The following ZRSR2 variants were observed in gnomAD, a reference collection of about 807,000 sequenced individuals.
The protein encoded by ZRSR2 is zinc finger CCCH-type, RNA binding motif and serine/arginine rich 2.
A neutral mutation model predicts 39.4 loss-of-function variants in ZRSR2; 3 were observed. The ratio of observed to expected loss-of-function variants is 0.08; its 90% CI spans 0.03 to 0.20. The LOEUF is 0.20. ZRSR2 is among the 10% of genes least tolerant of loss of function. The pLI, the probability that ZRSR2 is intolerant of heterozygous loss-of-function variation, is 1.00. For synonymous variants in ZRSR2, 137 were observed against 136.0 expected, an observed-to-expected ratio of 1.01 and a Z score of -0.05; for missense variants, 256 against 391.5, an observed-to-expected ratio of 0.65 and a Z score of 2.92.
chrX:15,809,278 C>T lies in ZRSR2; in HGVS notation c.517C>T (p.Pro173Ser). ...AATGGAGAAGGATCGAGCTAATTGT[C>T]CCTTCTACAGTAAAACAGGAGCTTG... ...RVMEKDRANC[P>S]FYSKTGACRF... is the part of the protein sequence containing the mutation. Residue 173 changes from proline (P) to serine (S), a missense_variant, in exon 7 of 11, where the codon CCC becomes TCC. Pro to Ser is a moderately conservative substitution (Grantham distance 74). This residue lies in a region of ZRSR2 where 58 missense variants were observed against 163.1 expected (regional missense o/e 0.36). Transcript: ENST00000307771. 1.7e-6 allele frequency: 2 copies of T among 1,208,558 alleles called. No homozygotes were observed.
At chrX:15,797,805 G>C (rs747598329) in intron 2 of ZRSR2, among the ~76,000 whole-genome samples, 3 of 111,511 alleles carry the variant, frequency 2.7e-5, no homozygotes, top group Non-Finnish European at 3.8e-5. Context: ...GATTGTACAC[G>C]TGGGGAAAAT....
intron 7 of ZRSR2, among the ~76,000 whole-genome samples, chrX:15,813,164 TG>T (rs1932911109): frequency 8.9e-6 from 1 of 111,984 alleles, no homozygotes; most frequent in Non-Finnish European, 1.9e-5. Context: ...AGGGGGCATT[TG>T]GATACCCACA....
At chrX:15,795,274 C>CT (rs768934551) in intron 2 of ZRSR2, among the ~76,000 whole-genome samples, 221 of 110,812 alleles carry the variant, frequency 2.0e-3, no homozygotes, top group African/African-American at 6.9e-3. Context: ...TCTTTACACA[C>CT]TTTCTTGATA....
chrX:15,810,865 AG>A (rs1286143812), intron 7 of ZRSR2, among the ~76,000 whole-genome samples: 1 of 105,352 alleles, frequency 9.5e-6, no homozygotes, highest in Non-Finnish European at 1.9e-5. Flanking sequence ...AAAAAAAAAA[AG>A]TAAAATAAAT....
intron 5 of ZRSR2, among the ~76,000 whole-genome samples, chrX:15,804,855 A>T (rs1932764188): frequency 1.0e-5 from 1 of 97,529 alleles, no homozygotes; most frequent in African/African-American, 3.9e-5. Context: ...AGATAATTGT[A>T]GCTAACACAC....
intron 2 of ZRSR2, among the ~76,000 whole-genome samples, chrX:15,792,077 A>C (rs1243646356): frequency 8.9e-6 from 1 of 112,071 alleles, no homozygotes; most frequent in Non-Finnish European, 1.9e-5. Flanking sequence ...AAGTGCTGGG[A>C]TTATAGGCAT....
intron 3 of ZRSR2, chrX:15,801,381 G>A (rs1367256817): frequency 1.3e-5 from 4 of 302,508 alleles, no homozygotes; most frequent in East Asian, 2.3e-4. Flanking sequence ...GGCACGCACC[G>A]CCACACCCAG....
At chrX:15,810,079 A>G (rs1283653900) in intron 7 of ZRSR2, among the ~76,000 whole-genome samples, 1 of 111,753 alleles carries the variant, frequency 8.9e-6, no homozygotes, top group Non-Finnish European at 1.9e-5. Flanking sequence ...AAATGAGCAC[A>G]CACACCCGTA....
At chrX:15,795,942 GA>G (rs750796239) in intron 2 of ZRSR2, among the ~76,000 whole-genome samples, 6 of 112,008 alleles carry the variant, frequency 5.4e-5, no homozygotes, top group African/African-American at 6.5e-5. Flanking sequence ...CCAACATGGT[GA>G]AACCCTGTCT....
intron 7 of ZRSR2, among the ~76,000 whole-genome samples, chrX:15,812,007 G>A (rs764539525): frequency 4.5e-5 from 5 of 111,590 alleles, no homozygotes; most frequent in Non-Finnish European, 9.4e-5. Flanking sequence ...TCCGCTCACT[G>A]CAAACTCCGC....
At chrX:15,807,706 T>C (rs1470036746) in intron 5 of ZRSR2, among the ~76,000 whole-genome samples, 1 of 111,278 alleles carries the variant, frequency 9.0e-6, no homozygotes, top group Non-Finnish European at 1.9e-5. Flanking sequence ...TTTTAAATAT[T>C]TTGCAATGTG....
In ZRSR2 at chrX:15,808,161, T is replaced by A. The variant is rs1044135533; in HGVS notation, c.400-72T>A. ...GTTTTAATTGTTCCACTTGAGATTCTTAACCAGAGAAACCAGATGTGACTT... is the reference window on the plus strand; with the variant it reads ...GTTTTAATTGTTCCACTTGAGATTCATAACCAGAGAAACCAGATGTGACTT... On this transcript the variant is annotated intron_variant, in intron 5 of 10. Coordinates refer to ENST00000307771, the MANE Select transcript of ZRSR2 (RefSeq NM_005089.4). 3.1e-6 allele frequency: 3 copies of A among 958,959 alleles called. No individual in the cohort carries two copies. In the African/African-American group the frequency reaches 5.7e-5, roughly 18 times the overall value. 79.0% of individuals were successfully genotyped at this position (958,959 alleles called of 1,213,427 possible).
intron 5 of ZRSR2, among the ~76,000 whole-genome samples, 167 bp from the exon 6 acceptor site, chrX:15,808,066 A>C (rs1932826816): frequency 9.0e-6 from 1 of 111,683 alleles, no homozygotes; most frequent in Admixed American, 9.5e-5. Flanking sequence ...AGTCTCAGCT[A>C]TATATCCTTT....
At chrX:15,804,318 A>G in intron 5 of ZRSR2, 121 bp downstream of exon 5, 1 of 1,045,459 alleles carries the variant, frequency 9.6e-7, no homozygotes, top group East Asian at 3.3e-5. Flanking sequence ...GGAAAGAATC[A>G]TATTTCAGTT....
At chrX:15,820,012 G>A (rs1243859195) in intron 9 of ZRSR2, among the ~76,000 whole-genome samples, 195 bp from the exon 10 acceptor site, 2 of 112,145 alleles carry the variant, frequency 1.8e-5, no homozygotes, top group African/African-American at 6.5e-5. Flanking sequence ...AAACCTCTCC[G>A]AGGGTTAGTA....
In ZRSR2 at chrX:15,822,952, C is replaced by G. The variant is rs748857375; in HGVS notation, c.1159C>G (p.His387Asp). Reference protein sequence around the residue: ...LRGRRNPSPDHSYKRNGESER... With the variant: ...LRGRRNPSPDDSYKRNGESER... ...GGGAAGGAGAAACCCTAGTCCAGAC[C>G]ACTCCTACAAAAGAAATGGGGAATC... Residue 387 changes from histidine (H) to aspartate (D), a missense_variant, in exon 11 of 11, where the codon CAC (histidine) becomes GAC (aspartate). His to Asp is a moderately conservative substitution (Grantham distance 81). This residue lies in a region of ZRSR2 where 111 missense variants were observed against 116.7 expected (regional missense o/e 0.95). Transcript: ENST00000307771. 4 of 1,212,258 alleles carry G rather than the reference C, an allele frequency of 3.3e-6. No individual in the cohort carries two copies. The highest frequency in any genetic ancestry group is 4.5e-6 in the Non-Finnish European group (4 of 895,642).
rs766347958 is a variant in ZRSR2, at chrX:15,822,978, C to T, written c.1185C>T (p.Ser395=). ...ACTCCTACAAAAGAAATGGGGAATC[C>T]GAGAGGAAAAGTAGTCGTCACAGGG... ...PDHSYKRNGE[S]ERKSSRHRGK... Residue 395 remains serine, a synonymous_variant, in exon 11 of 11, where the codon TCC becomes TCT. Transcript: ENST00000307771. 4.1e-6 allele frequency: 5 copies of T among 1,210,821 alleles called. No homozygotes were observed. The highest frequency in any genetic ancestry group is 2.2e-5 in the Admixed American group (1 of 45,915).
chrX:15,817,777 G>T (rs1206693599), intron 8 of ZRSR2, among the ~76,000 whole-genome samples: 1 of 111,156 alleles, frequency 9.0e-6, no homozygotes, highest in African/African-American at 3.3e-5. Flanking sequence ...CTGCGGTACT[G>T]TTTGTGGATG....
chrX:15,806,727 G>C (rs771400899), intron 5 of ZRSR2, among the ~76,000 whole-genome samples: 106 of 109,253 alleles, frequency 9.7e-4, no homozygotes, highest in African/African-American at 3.4e-3. Flanking sequence ...TTTTTTAACA[G>C]ATCATTTTTA....
Sources: allele counts gnomAD v4.1 joint callset (sites outside exome capture counted in the v4.1 genomes callset), GRCh38; gene constraint gnomAD v4.1.1; regional missense constraint gnomAD v4.1.1; transcripts MANE v1.5; gene names NCBI Gene and HGNC (gene_info 2026-07-23, HGNC 2026-07-21).